XYLB: variants seen among roughly 807,000 people sequenced by gnomAD.
The protein encoded by XYLB is xylulose kinase.
Under a neutral mutation model 78.7 loss-of-function variants are expected in XYLB, and 62 were observed. The observed-to-expected ratio is 0.79, with a 90% CI of 0.64 to 0.97. XYLB has a LOEUF of 0.97. Ranked by LOEUF, XYLB falls within the 50% of genes least tolerant of loss-of-function variation. The pLI, the probability that XYLB is intolerant of heterozygous loss-of-function variation, is 0.00. For missense variants in XYLB, 687 were observed against 676.8 expected (o/e 1.02, Z -0.17); for synonymous variants, 245 against 247.4 (o/e 0.99, Z 0.09).
At chr3:38,417,543 G>C (rs777407995), downstream of XYLB, among the ~76,000 whole-genome samples, 5 of 152,072 alleles carry the variant, frequency 3.3e-5, no homozygotes, top group Admixed American at 6.6e-5. Context: ...AAAGACCCTG[G>C]ACCCCCAACT....
intron 18 of XYLB, among the ~76,000 whole-genome samples, chr3:38,407,807 A>G (rs1244451461): frequency 6.6e-6 from 1 of 151,242 alleles, no homozygotes; most frequent in African/African-American, 2.4e-5. Flanking sequence ...ATAATGGTAA[A>G]GGGATCAGTT....
At chr3:38,391,049 G>A (rs1249972557) in intron 15 of XYLB, among the ~76,000 whole-genome samples, 2 of 151,996 alleles carry the variant, frequency 1.3e-5, no homozygotes, top group African/African-American at 2.4e-5. Flanking sequence ...GTGAAACCCC[G>A]TCTCTACTGA....
At chr3:38,366,902 A>G (rs776193531) in intron 7 of XYLB, 29 bp downstream of exon 7, 12 of 1,473,898 alleles carry the variant, frequency 8.1e-6, no homozygotes, top group Non-Finnish European at 1.0e-5. Flanking sequence ...TTTGATTGAA[A>G]GTCACAGTTG....
At chr3:38,441,839 C>T in the XYLB span, among the ~76,000 whole-genome samples, 16 of 152,308 alleles carry the variant, frequency 1.1e-4, no homozygotes, top group African/African-American at 2.9e-4. Flanking sequence ...GTAGGGTTGT[C>T]CCACGAGTCT....
intron 2 of XYLB, among the ~76,000 whole-genome samples, chr3:38,352,154 C>T (rs1705399506): frequency 1.4e-5 from 1 of 72,686 alleles, no homozygotes; most frequent in Non-Finnish European, 3.1e-5. Context: ...TTACATTGCA[C>T]TTAATATGTA....
intron 17 of XYLB, among the ~76,000 whole-genome samples, 168 bp downstream of exon 17, chr3:38,397,327 C>T (rs1338810908): frequency 6.6e-6 from 1 of 152,174 alleles, no homozygotes; most frequent in Non-Finnish European, 1.5e-5. Context: ...CCAACCCATA[C>T]TCTCTGTTCC....
chr3:38,362,842 G>T, intron 3 of XYLB, 95 bp from the exon 4 acceptor site: 1 of 1,034,096 alleles, frequency 9.7e-7, no homozygotes. Context: ...AGAGTACTCT[G>T]CTGTAATGGC....
chr3:38,414,800 A>G lies in XYLB; in HGVS notation c.*1787A>G, dbSNP rs1163990992. ...TAAGAGAAGCAAAACAAACAAAGCA[A>G]TATTAAAGGAAGAGCCAAAAAGACC... is the stretch of plus-strand genomic sequence containing the variant. On this transcript the variant is annotated 3_prime_UTR_variant, in exon 19 of 19. Coordinates refer to ENST00000207870, the MANE Select transcript of XYLB (RefSeq NM_005108.4). 1 of 152,188 alleles carries G rather than the reference A, an allele frequency of 6.6e-6. No homozygotes were observed. Among genetic ancestry groups the G allele is most frequent in the East Asian group, 1.9e-4 (1 of 5,204 alleles). The allele number at this position is 152,188 out of a possible 1,614,324, so 9.4% of individuals were successfully genotyped here. A position where few individuals can be genotyped will look rare whatever the true frequency, so the allele number is the denominator to read the frequency against.
At chr3:38,355,718 T>C in intron 2 of XYLB, 1 of 703,290 alleles carries the variant, frequency 1.4e-6, no homozygotes, top group South Asian at 1.5e-5. Flanking sequence ...TTTTCTCCCA[T>C]TTTTGGCTGA....
chr3:38,406,102 C>G (rs1224948449), intron 18 of XYLB, among the ~76,000 whole-genome samples: 2 of 152,240 alleles, frequency 1.3e-5, no homozygotes, highest in Non-Finnish European at 2.9e-5. Flanking sequence ...TCCCTGACCC[C>G]TGACCCCCGA....
the XYLB span, among the ~76,000 whole-genome samples, chr3:38,445,644 CCTTT>C: frequency 6.6e-6 from 1 of 152,170 alleles, no homozygotes; most frequent in Non-Finnish European, 1.5e-5. Context: ...GAATGGCTTT[CCTTT>C]CTGTCAACCC....
chr3:38,374,753 T>A (rs1706760059), intron 11 of XYLB, among the ~76,000 whole-genome samples: 3 of 152,136 alleles, frequency 2.0e-5, no homozygotes, highest in Admixed American at 2.0e-4. Context: ...TGCTTCACAG[T>A]GGCCAGTCTT....
the XYLB span, among the ~76,000 whole-genome samples, chr3:38,442,157 T>G: frequency 1.3e-5 from 2 of 152,214 alleles, no homozygotes; most frequent in African/African-American, 2.4e-5. Context: ...TAGGCTGTAT[T>G]CATTCCTTGC....
chr3:38,388,178 T>G (rs1232168799), intron 15 of XYLB, among the ~76,000 whole-genome samples: 3 of 149,564 alleles, frequency 2.0e-5, no homozygotes, highest in African/African-American at 4.9e-5. Context: ...TGTTTTTTTT[T>G]TTTTTTTTTT....
chr3:38,348,458 G>A (rs1705185993), intron 1 of XYLB, 92 bp from the exon 2 acceptor site: 1 of 1,212,292 alleles, frequency 8.2e-7, no homozygotes. Context: ...TGCTCCTAGG[G>A]TGTGGGGCCT....
intron 17 of XYLB, among the ~76,000 whole-genome samples, chr3:38,399,064 A>C (rs756561019): frequency 7.2e-5 from 11 of 152,010 alleles, no homozygotes; most frequent in East Asian, 1.9e-4. Flanking sequence ...ACAAAAAAAA[A>C]CAAACTTCTT....
chr3:38,420,988 G>A (rs768692592), downstream of XYLB, among the ~76,000 whole-genome samples: 6 of 152,230 alleles, frequency 3.9e-5, no homozygotes, highest in East Asian at 5.8e-4. Context: ...TGTTTTTGCT[G>A]CAGATAATCA....
chr3:38,370,082 C>A lies in XYLB; in HGVS notation c.673C>A (p.Gln225Lys), dbSNP rs1706464653. 1 of 1,614,024 alleles carries A rather than the reference C, an allele frequency of 6.2e-7. No homozygotes were observed. Among genetic ancestry groups the A allele is most frequent in the African/African-American group, 1.3e-5 (1 of 74,906 alleles). The change falls in exon 9 of 19, where the codon CAG becomes AAG. Residue 225 changes from glutamine to lysine, a missense_variant. Gln to Lys is a moderately conservative substitution (Grantham distance 53). Coordinates refer to ENST00000207870, the MANE Select transcript of XYLB (RefSeq NM_005108.4). ...DGSGMNLLQI[Q>K]DKVWSQACLG... ...TTCTGGAATGAATTTGTTGCAGATA[C>A]AGGATAAAGTCTGGTCCCAGGCTTG...
At chr3:38,347,006 G>C (rs1705099322) in intron 1 of XYLB, 81 bp downstream of exon 1, 2 of 1,278,718 alleles carry the variant, frequency 1.6e-6, no homozygotes, top group South Asian at 2.0e-5. Flanking sequence ...ACCCGGACGC[G>C]GGAAAACATG....
Sources: allele counts gnomAD v4.1 joint callset (sites outside exome capture counted in the v4.1 genomes callset), GRCh38; gene constraint gnomAD v4.1.1; transcripts MANE v1.5; gene names NCBI Gene and HGNC (gene_info 2026-07-23, HGNC 2026-07-21).